The following EFCAB5 variants were observed in gnomAD, a reference collection of about 807,000 sequenced individuals.
EFCAB5 encodes the protein EF-hand calcium-binding domain-containing protein 5.
EFCAB5 carries 131 observed loss-of-function variants against 167.9 expected under a neutral mutation model. That is an observed-to-expected ratio of 0.78 (90% CI 0.68 to 0.90). The LOEUF (loss-of-function observed/expected upper bound fraction) is 0.90. Among genes scored for constraint, EFCAB5 ranks in the 40% least tolerant of loss-of-function variants. The probability of loss-of-function intolerance (pLI) is 0.00; values close to 1 mark genes in which losing one functional copy is unlikely to be tolerated. For missense variants in EFCAB5, 1,663 were observed against 1,745.2 expected (o/e 0.95, Z 0.84); for synonymous variants, 574 against 602.8 (o/e 0.95, Z 0.70).
At chr17:29,953,292 A>C (rs796114639) in intron 3 of EFCAB5, among the ~76,000 whole-genome samples, 4 of 152,288 alleles carry the variant, frequency 2.6e-5, no homozygotes, top group African/African-American at 9.6e-5. Flanking sequence ...AATTGCCACA[A>C]AAAAAATAAA....
intron 14 of EFCAB5, among the ~76,000 whole-genome samples, chr17:30,063,467 G>C (rs1223304128): frequency 6.6e-6 from 1 of 152,180 alleles, no homozygotes; most frequent in Non-Finnish European, 1.5e-5. Flanking sequence ...AGTCAGGCCA[G>C]TGCTGTGCCC....
At chr17:29,967,389 G>A (rs1490293353) in intron 3 of EFCAB5, among the ~76,000 whole-genome samples, 2 of 152,168 alleles carry the variant, frequency 1.3e-5, no homozygotes, top group Non-Finnish European at 2.9e-5. Context: ...CCTTAACTCA[G>A]TGCAGGGGAA....
chr17:30,081,702 C>T (rs2070991666), intron 17 of EFCAB5, among the ~76,000 whole-genome samples: 1 of 152,104 alleles, frequency 6.6e-6, no homozygotes, highest in African/African-American at 2.4e-5. Flanking sequence ...GTTTATTTAC[C>T]ATTATTTTTC....
rs768705380 is a variant in EFCAB5, at chr17:30,107,939, A to G, written c.4427A>G (p.Asn1476Ser). The part of the protein sequence containing the change: ...SALMKITKQL[N>S]SGITPPLPSK... ...CTCATGAAGATAACCAAACAACTAA[A>G]TAGTGGTATTACACCTCCGTTGCCC... The change falls in exon 23 of 23, where the codon AAT (asparagine) becomes AGT (serine). Residue 1476 changes from asparagine (N) to serine (S), a missense_variant. Asn to Ser is a conservative substitution (Grantham distance 46). Transcript: ENST00000394835. 1.4e-5 allele frequency: 22 copies of G among 1,612,068 alleles called. No homozygotes were observed. Among genetic ancestry groups the G allele is most frequent in the Non-Finnish European group, 1.9e-5 (22 of 1,179,420 alleles).
chr17:29,968,957 T>A lies in EFCAB5; in HGVS notation c.357T>A (p.Phe119Leu). ...AGCACACATGGAAGAAAAACCTTTT[T>A]GAAAGAATGGAGGCAAGAGCCCAAG... ...KPEHTWKKNL[F>L]ERMEARAQAM... is the part of the protein sequence containing the mutation. Residue 119 changes from phenylalanine (F) to leucine (L), a missense_variant, in exon 4 of 23, where the codon TTT (phenylalanine) becomes TTA (leucine). Transcript: ENST00000394835. 4 of 1,589,086 alleles carry A rather than the reference T, an allele frequency of 2.5e-6. No homozygotes were observed. Among genetic ancestry groups the A allele is most frequent in the Non-Finnish European group, 3.4e-6 (4 of 1,167,590 alleles).
intron 22 of EFCAB5, among the ~76,000 whole-genome samples, chr17:30,101,055 G>A (rs1331300564): frequency 6.6e-6 from 1 of 152,210 alleles, no homozygotes; most frequent in Non-Finnish European, 1.5e-5. Context: ...TTAGGGTCTT[G>A]AAGACTATCA....
At chr17:30,014,864 C>T (rs1217359509) in intron 7 of EFCAB5, among the ~76,000 whole-genome samples, 2 of 152,056 alleles carry the variant, frequency 1.3e-5, no homozygotes, top group Admixed American at 6.6e-5. Context: ...GTTATGTTGC[C>T]TGTTAGTTGA....
At chr17:30,009,687 ACTATGAACATTTGTGC>A (rs1327200256) in intron 7 of EFCAB5, among the ~76,000 whole-genome samples, 1 of 152,128 alleles carries the variant, frequency 6.6e-6, no homozygotes, top group Admixed American at 6.6e-5. Flanking sequence ...AAATAATACC[ACTATGAACATTTGTGC>A]CTAAGTTTTT....
At chr17:30,068,172 C>CGG (rs1169005834) in intron 14 of EFCAB5, among the ~76,000 whole-genome samples, 4 of 152,034 alleles carry the variant, frequency 2.6e-5, no homozygotes, top group Non-Finnish European at 5.9e-5. Context: ...GGCGTGGTGG[C>CGG]ACGCTTGTAG....
rs1316987056 is a variant in EFCAB5, at chr17:30,078,375, G to A, written c.2898G>A (p.Glu966=). 1.9e-6 allele frequency: 3 copies of A among 1,613,902 alleles called. No individual in the cohort carries two copies. The highest frequency in any genetic ancestry group is 2.2e-5 in the East Asian group (1 of 44,900). Residue 966 remains glutamate, a synonymous_variant, in exon 15 of 23, where the codon GAG becomes GAA. Coordinates refer to ENST00000394835, the MANE Select transcript of EFCAB5 (RefSeq NM_198529.4). ...SVVEFLMNAL[E]RSHIESLRNS... ...TGGAATTTCTGATGAATGCTTTAGA[G>A]AGGAGCCACATTGAGAGTCTGAGGA...
intron 3 of EFCAB5, among the ~76,000 whole-genome samples, chr17:29,960,458 G>T (rs2067699080): frequency 6.6e-6 from 1 of 152,046 alleles, no homozygotes; most frequent in Admixed American, 6.6e-5. Flanking sequence ...TTTAAGTTCT[G>T]GGATACATGT....
intron 7 of EFCAB5, among the ~76,000 whole-genome samples, chr17:30,019,683 T>C (rs146012207): frequency 0.01 from 1,521 of 152,030 alleles, 12 homozygotes; most frequent in Non-Finnish European, 0.016. Flanking sequence ...TGACCTCAGG[T>C]GATCCACACA....
intron 5 of EFCAB5, among the ~76,000 whole-genome samples, chr17:29,995,621 G>T (rs1262079404): frequency 6.6e-6 from 1 of 152,192 alleles, no homozygotes; most frequent in Non-Finnish European, 1.5e-5. Flanking sequence ...GGCACCCATT[G>T]ACTGGAAATT....
At chr17:30,107,749 T>G in intron 22 of EFCAB5, 85 bp from the exon 23 acceptor site, 1 of 1,197,710 alleles carries the variant, frequency 8.3e-7, no homozygotes, top group Non-Finnish European at 1.1e-6. Context: ...TCTAATGAAC[T>G]TTAATCATAA....
intron 4 of EFCAB5, among the ~76,000 whole-genome samples, chr17:29,978,448 T>A (rs1419644927): frequency 6.6e-6 from 1 of 152,248 alleles, no homozygotes; most frequent in Admixed American, 6.5e-5. Flanking sequence ...CTCTAAACCT[T>A]ACTCTGTTGA....
chr17:30,102,181 T>G (rs545060846), intron 22 of EFCAB5, among the ~76,000 whole-genome samples: 7 of 151,938 alleles, frequency 4.6e-5, no homozygotes, highest in Non-Finnish European at 8.8e-5. Flanking sequence ...GTAGGTGTGC[T>G]GGTGGGAGTC....
At chr17:30,042,652 A>G (rs923854740) in intron 8 of EFCAB5, among the ~76,000 whole-genome samples, 64 of 152,320 alleles carry the variant, frequency 4.2e-4, no homozygotes, top group African/African-American at 1.5e-3. Flanking sequence ...CCACTAAAAA[A>G]AAGTTCCACA....
In EFCAB5 at chr17:30,006,177, T is replaced by C. The variant is rs200852892; in HGVS notation, c.1044+6201T>C. 1.4e-4 allele frequency among the ~76,000 whole-genome samples: 22 copies of C among 152,370 alleles called. 1 individual carries two copies. The East Asian group carries it at 2.3e-3, about 16-fold the overall frequency. On this transcript the variant is annotated intron_variant, in intron 7 of 22. Transcript: ENST00000394835. ...GTTTTCCTCAGGCTGTGGTCACTTA[T>C]ATTATCTCAGAATAAACTTCTTTAA...
chr17:30,066,073 G>C (rs1485600868), intron 14 of EFCAB5, among the ~76,000 whole-genome samples: 1 of 152,102 alleles, frequency 6.6e-6, no homozygotes, highest in Non-Finnish European at 1.5e-5. Context: ...AGAAACATTG[G>C]ATTTAAACTA....
Sources: allele counts gnomAD v4.1 joint callset (sites outside exome capture counted in the v4.1 genomes callset), GRCh38; gene constraint gnomAD v4.1.1; transcripts MANE v1.5; gene names NCBI Gene and HGNC (gene_info 2026-07-23, HGNC 2026-07-21).